Variants in SV2C observed in about 807,000 individuals in gnomAD.
The protein encoded by SV2C is solute carrier family 22 member B3.
SV2C carries 49 observed loss-of-function variants against 79.7 expected under a neutral mutation model. The ratio of observed to expected loss-of-function variants is 0.61; its 90% CI spans 0.49 to 0.78. The LOEUF (loss-of-function observed/expected upper bound fraction) is 0.78, where lower values mean the gene tolerates loss of function less well. SV2C is among the 30% of genes least tolerant of loss of function. The pLI is 0.00. For missense variants in SV2C, 833 were observed against 912.9 expected (o/e 0.91, Z 1.13); for synonymous variants, 334 against 333.2 (o/e 1.00, Z -0.03).
At chr5:76,268,740 C>A (rs1410332251) in intron 4 of SV2C, among the ~76,000 whole-genome samples, 2 of 152,202 alleles carry the variant, frequency 1.3e-5, no homozygotes, top group East Asian at 3.9e-4. Context: ...AGGGGAACAT[C>A]ACTTCTTTAC....
At chr5:75,930,902 A>G in the SV2C span, among the ~76,000 whole-genome samples, 2 of 152,228 alleles carry the variant, frequency 1.3e-5, no homozygotes, top group South Asian at 4.2e-4. Flanking sequence ...GGGAGGCTGA[A>G]GTGGGTGGAT....
At chr5:76,265,603 G>A (rs1173227717) in intron 4 of SV2C, among the ~76,000 whole-genome samples, 1 of 152,224 alleles carries the variant, frequency 6.6e-6, no homozygotes, top group Non-Finnish European at 1.5e-5. Context: ...GGCCGTGGTG[G>A]TGTAGGCATA....
At chr5:76,104,894 G>A (rs952188666) in intron 1 of SV2C, among the ~76,000 whole-genome samples, 1 of 152,210 alleles carries the variant, frequency 6.6e-6, no homozygotes, top group Non-Finnish European at 1.5e-5. Context: ...CACCCCAGAA[G>A]AGGCAGTTTC....
the SV2C span, among the ~76,000 whole-genome samples, chr5:75,982,179 A>T: frequency 6.6e-6 from 1 of 151,512 alleles, no homozygotes. Context: ...ATGTATGCAT[A>T]TGTAACTAAC....
chr5:76,117,945 A>G (rs996412170), intron 1 of SV2C, among the ~76,000 whole-genome samples: 18 of 152,218 alleles, frequency 1.2e-4, no homozygotes, highest in African/African-American at 4.3e-4. Context: ...CATCTGAGAA[A>G]CAATTTACAA....
intron 4 of SV2C, among the ~76,000 whole-genome samples, chr5:76,264,697 C>G (rs1025081862): frequency 2.6e-5 from 4 of 152,210 alleles, no homozygotes; most frequent in African/African-American, 9.6e-5. Context: ...GGCCCCTCTT[C>G]TGCAGGTCTG....
the SV2C span, among the ~76,000 whole-genome samples, chr5:76,051,346 A>G: frequency 6.6e-6 from 1 of 152,038 alleles, no homozygotes; most frequent in Non-Finnish European, 1.5e-5. Flanking sequence ...CTAAATTAGT[A>G]TATTCTTGGA....
chr5:76,228,719 A>G (rs1532698), intron 4 of SV2C, among the ~76,000 whole-genome samples: 29,461 of 152,102 alleles, frequency 0.19, 4,289 homozygotes, highest in African/African-American at 0.41. Context: ...AGCATTTATT[A>G]TGTATCATAC....
At chr5:75,868,415 G>A in the SV2C span, among the ~76,000 whole-genome samples, 6 of 152,180 alleles carry the variant, frequency 3.9e-5, no homozygotes, top group African/African-American at 7.2e-5. Context: ...ATGAGCACTC[G>A]GGCTACTATG....
At chr5:76,236,999 G>A (rs750474760) in intron 4 of SV2C, among the ~76,000 whole-genome samples, 9 of 152,174 alleles carry the variant, frequency 5.9e-5, no homozygotes, top group South Asian at 4.1e-4. Flanking sequence ...CACTCACTCC[G>A]TCCTGATGCC....
chr5:76,179,483 C>G (rs1332968330), intron 2 of SV2C, among the ~76,000 whole-genome samples: 1 of 152,172 alleles, frequency 6.6e-6, no homozygotes, highest in Non-Finnish European at 1.5e-5. Context: ...GGATGGCTGA[C>G]TGCTCATTCT....
chr5:75,877,783 C>T, the SV2C span, among the ~76,000 whole-genome samples: 1 of 151,798 alleles, frequency 6.6e-6, no homozygotes, highest in African/African-American at 2.4e-5. Context: ...AATGTAATTC[C>T]CAGTGTTGAA....
At chr5:75,954,931 G>T in the SV2C span, among the ~76,000 whole-genome samples, 56 of 147,944 alleles carry the variant, frequency 3.8e-4, no homozygotes, top group African/African-American at 1.4e-3. Flanking sequence ...CATGCTCATG[G>T]GTAGGAAGAA....
At chr5:76,227,305 G>A (rs1372504591) in intron 4 of SV2C, among the ~76,000 whole-genome samples, 3 of 152,178 alleles carry the variant, frequency 2.0e-5, no homozygotes, top group Non-Finnish European at 4.4e-5. Context: ...CTGTGCTCGA[G>A]GATACTCCAA....
At chr5:76,037,676 G>A in the SV2C span, among the ~76,000 whole-genome samples, 1 of 152,188 alleles carries the variant, frequency 6.6e-6, no homozygotes, top group Non-Finnish European at 1.5e-5. Context: ...ATTTAAGTCT[G>A]CAGAGGTTAC....
At chr5:76,047,769 T>TTC in the SV2C span, among the ~76,000 whole-genome samples, 72 of 147,808 alleles carry the variant, frequency 4.9e-4, no homozygotes, top group African/African-American at 1.6e-3. Context: ...TTCTTTTCTT[T>TTC]TTTTTTTTTT....
chr5:76,056,442 C>T, the SV2C span, among the ~76,000 whole-genome samples: 1 of 151,944 alleles, frequency 6.6e-6, no homozygotes, highest in Non-Finnish European at 1.5e-5. Context: ...GGGATATTGG[C>T]ATGAAGTTTT....
Position 76,214,503 on chromosome 5 carries a change from A to G in SV2C, c.913+4616A>G, listed in dbSNP as rs912008652. Among the ~76,000 whole-genome samples, 7 of 152,232 alleles carry G rather than the reference A, an allele frequency of 4.6e-5. No homozygotes were observed. The South Asian group carries it at 8.3e-4, about 18-fold the overall frequency. On this transcript the variant is annotated intron_variant, in intron 4 of 12. Transcript: ENST00000502798. ...CTTCTTGCTCAAGGTTACTTTAGCT[A>G]CTCAGGGTCTTTTGTTGTTCCATAC...
At chr5:76,021,737 G>A in the SV2C span, among the ~76,000 whole-genome samples, 1 of 152,064 alleles carries the variant, frequency 6.6e-6, no homozygotes, top group African/African-American at 2.4e-5. Context: ...CATTTTTGCT[G>A]GTGATTCATT....
Sources: allele counts gnomAD v4.1 joint callset (sites outside exome capture counted in the v4.1 genomes callset), GRCh38; gene constraint gnomAD v4.1.1; transcripts MANE v1.5; gene names NCBI Gene and HGNC (gene_info 2026-07-23, HGNC 2026-07-21).